NID2: variants seen among roughly 807,000 people sequenced by gnomAD.
The protein encoded by NID2 is nidogen-2.
Under a neutral mutation model 145.4 loss-of-function variants are expected in NID2, and 83 were observed. The observed-to-expected ratio is 0.57, with a 90% confidence interval of 0.48 to 0.69. The LOEUF (loss-of-function observed/expected upper bound fraction) is 0.69, where lower values mean the gene tolerates loss of function less well. Ranked by LOEUF, NID2 falls within the 30% of genes least tolerant of loss-of-function variation. The pLI is 0.00. For missense variants in NID2, 1,807 were observed against 1,765.7 expected, an observed-to-expected ratio of 1.02 and a Z score of -0.42; for synonymous variants, 739 against 701.3, an observed-to-expected ratio of 1.05 and a Z score of -0.85.
chr14:52,060,147 T>C lies in NID2; in HGVS notation c.744A>G (p.Glu248=). 6.2e-7 allele frequency: 1 copy of C among 1,611,764 alleles called. No homozygotes were observed. Among genetic ancestry groups the C allele is most frequent in the Non-Finnish European group, 8.5e-7 (1 of 1,178,320 alleles). Residue 248 remains glutamate (E), a synonymous_variant, in exon 3 of 22, where the codon GAA becomes GAG. Transcript: ENST00000216286. ...EGPYFSLTST[E]QSVKNLYQLS... Reference sequence around the variant, plus strand: ...ACTGATAGAGATTTTTCACAGACTGTTCAGTGCTAGTCAAGCTGAAATATG... The same window carrying C: ...ACTGATAGAGATTTTTCACAGACTGCTCAGTGCTAGTCAAGCTGAAATATG...
intron 5 of NID2, among the ~76,000 whole-genome samples, chr14:52,047,536 A>G (rs1411544349): frequency 1.3e-5 from 2 of 152,124 alleles, no homozygotes; most frequent in African/African-American, 2.4e-5. Context: ...CGAGCAGAAG[A>G]GTAACATGCT....
intron 9 of NID2, among the ~76,000 whole-genome samples, chr14:52,036,340 C>T (rs2645748): frequency 0.54 from 82,092 of 152,018 alleles, 22,527 homozygotes; most frequent in Middle Eastern, 0.59. Flanking sequence ...AGCATGTATC[C>T]GTACTTCATT....
At chr14:52,008,843 G>C (rs1890895348) in intron 18 of NID2, 1 of 152,176 alleles carries the variant, frequency 6.6e-6, no homozygotes, top group Non-Finnish European at 1.5e-5. Context: ...GTACTTGAAG[G>C]GGTACCTGGC....
chr14:52,060,062 C>A, intron 3 of NID2, 62 bp downstream of exon 3: 1 of 1,199,140 alleles, frequency 8.3e-7, no homozygotes, highest in South Asian at 1.4e-5. Flanking sequence ...CACTTGTGTT[C>A]AGGTACTTCC....
Position 52,053,876 on chromosome 14 carries a change from C to A in NID2, c.1132G>T (p.Asp378Tyr), listed in dbSNP as rs1892760614. ...GTSLGEVGGPDLKGQVEPWDE... is the reference protein window; with the variant it reads ...GTSLGEVGGPYLKGQVEPWDE... ...CAGGGCTCAACTTGGCCTTTTAAAT[C>A]TGGGCCCCCTACCTCTCCCAGAGAT... Residue 378 changes from aspartate to tyrosine, a missense_variant, in exon 5 of 22, where the codon GAT becomes TAT. Transcript: ENST00000216286. The A allele has an allele frequency of 1.2e-6, 2 of 1,614,010 alleles. No homozygotes were observed. Among genetic ancestry groups the A allele is most frequent in the Admixed American group, 1.7e-5 (1 of 59,998 alleles).
chr14:52,018,920 G>A (rs956977265), intron 14 of NID2, 141 bp downstream of exon 14: 7 of 624,366 alleles, frequency 1.1e-5, no homozygotes, highest in Admixed American at 8.0e-5. Context: ...ATATTTGTAC[G>A]CACTATTATT....
intron 15 of NID2, 91 bp downstream of exon 15, chr14:52,014,963 C>T (rs1020667289): frequency 1.2e-5 from 13 of 1,044,010 alleles, no homozygotes; most frequent in Middle Eastern, 2.8e-4. Context: ...CCTGGTGACC[C>T]CACATGTCCC....
In NID2 at chr14:52,015,381, C is replaced by G. The variant is rs1381257210; in HGVS notation, c.3029-106G>C. On this transcript the variant is annotated intron_variant, in intron 14 of 21. Coordinates refer to ENST00000216286, the MANE Select transcript of NID2 (RefSeq NM_007361.4). ...CATGCCTGGCCTCCTGGCCTTCCTT[C>G]TCCTACTGTCCAGGTCTCAGCCAAG... 2.8e-6 allele frequency: 3 copies of G among 1,080,490 alleles called. No homozygotes were observed. In the East Asian group the frequency reaches 7.8e-5, roughly 28 times the overall value. 66.9% of individuals were successfully genotyped at this position (1,080,490 alleles called of 1,614,324 possible). A position where few individuals can be genotyped will look rare whatever the true frequency, so the allele number is the denominator to read the frequency against.
At chr14:52,006,324 T>C (rs1890780607) in intron 20 of NID2, 1 of 530,990 alleles carries the variant, frequency 1.9e-6, no homozygotes, top group South Asian at 2.2e-5. Flanking sequence ...AGCAATACCA[T>C]TCGATTTCTG....
At position 52,014,402 on chromosome 14, in the gene NID2, G is replaced by T; in HGVS notation, c.3305C>A (p.Thr1102Asn). ...CAGGAAGGTGCCCACAGATGGAGGG[G>T]TCACATCTGGCCGGGGCGTGGGCCG... is the stretch of plus-strand genomic sequence containing the variant. ...MVRPTPRPDV[T>N]PPSVGTFLLY... Residue 1102 changes from threonine to asparagine, a missense_variant, in exon 16 of 22, where the codon ACC becomes AAC. Physicochemically the swap from Thr to Asn is moderately conservative, Grantham distance 65. Transcript: ENST00000216286. 6.2e-7 allele frequency: 1 copy of T among 1,614,214 alleles called. No individual in the cohort carries two copies.
chr14:52,041,134 G>A (rs897191935), intron 7 of NID2, among the ~76,000 whole-genome samples: 1 of 152,004 alleles, frequency 6.6e-6, no homozygotes, highest in Non-Finnish European at 1.5e-5. Context: ...TTTCTCTAAG[G>A]TTGCTAGACT....
intron 2 of NID2, among the ~76,000 whole-genome samples, chr14:52,063,508 AC>A (rs1893085685): frequency 6.6e-6 from 1 of 152,176 alleles, no homozygotes; most frequent in African/African-American, 2.4e-5. Flanking sequence ...TGCAACATAC[AC>A]CCCTCTAAGA....
chr14:52,034,919 C>T (rs911709258), intron 9 of NID2, among the ~76,000 whole-genome samples: 1 of 152,214 alleles, frequency 6.6e-6, no homozygotes, highest in Non-Finnish European at 1.5e-5. Context: ...TCCCTGACTT[C>T]ACAAGCTCAT....
chr14:52,049,841 C>A (rs567408658), intron 5 of NID2, among the ~76,000 whole-genome samples: 2 of 152,168 alleles, frequency 1.3e-5, no homozygotes, highest in African/African-American at 2.4e-5. Context: ...GGGAGAGGGG[C>A]CCTACCATGG....
chr14:52,051,764 T>C (rs1892686292), intron 5 of NID2, among the ~76,000 whole-genome samples: 1 of 152,222 alleles, frequency 6.6e-6, no homozygotes, highest in African/African-American at 2.4e-5. Context: ...CTAGATTTCT[T>C]CCTCCAAAAT....
Position 52,015,186 on chromosome 14 carries a change from C to G in NID2, c.3118G>C (p.Val1040Leu). ...YGGTPRDDQYVPQCDDLGHFI... is the reference protein window; with the variant it reads ...YGGTPRDDQYLPQCDDLGHFI... ...TGGCCCAGGTCATCGCACTGGGGCA[C>G]GTACTGGTCATCCCGGGGGGTGCCA... Residue 1040 changes from valine (V) to leucine (L), a missense_variant, in exon 15 of 22, where the codon GTG becomes CTG. Physicochemically the swap from Val to Leu is conservative, Grantham distance 32. Transcript: ENST00000216286. 6.2e-7 allele frequency: 1 copy of G among 1,614,100 alleles called. No individual in the cohort carries two copies. Among genetic ancestry groups the G allele is most frequent in the Non-Finnish European group, 8.5e-7 (1 of 1,180,000 alleles).
rs531723112 is a variant in NID2 at position 52,005,314 on chromosome 14, T to C, written c.*172A>G. The C allele has an allele frequency of 2.1e-5, 10 of 470,294 alleles. No homozygotes were observed. The highest frequency in any genetic ancestry group is 7.8e-5 in the Admixed American group (2 of 25,776). The allele number at this position is 470,294 out of a possible 1,614,324, so 29.1% of individuals were successfully genotyped here. A position where few individuals can be genotyped will look rare whatever the true frequency, so the allele number is the denominator to read the frequency against. Reference sequence around the variant, plus strand: ...ATTTTTAAAAATACAGTAGTAAAGATTGAGGTATCAGCTTTTCACAAAAGT... The same window carrying C: ...ATTTTTAAAAATACAGTAGTAAAGACTGAGGTATCAGCTTTTCACAAAAGT... On this transcript the variant is annotated 3_prime_UTR_variant, in exon 22 of 22. Transcript: ENST00000216286.
chr14:52,041,973 T>G, intron 7 of NID2, 132 bp downstream of exon 7: 2 of 1,156,300 alleles, frequency 1.7e-6, no homozygotes, highest in Non-Finnish European at 2.4e-6. Context: ...GCCAGAAAAC[T>G]ACACACATGT....
At position 52,054,081 on chromosome 14, in the gene NID2, C is replaced by A. The variant is rs747167966; in HGVS notation, c.1008G>T (p.Leu336Phe). ...AAACATCAATGCTGCTGTGGCCATT[C>A]AATGCCTCCTCTGGTTCACCCGGAA... Reference protein sequence around the residue: ...EYLPGEPEEALNGHSSIDVSF... With the variant: ...EYLPGEPEEAFNGHSSIDVSF... Residue 336 changes from leucine to phenylalanine, a missense_variant, in exon 4 of 22, where the codon TTG (leucine) becomes TTT (phenylalanine). Physicochemically the swap from Leu to Phe is conservative, Grantham distance 22. Coordinates refer to ENST00000216286, the MANE Select transcript of NID2 (RefSeq NM_007361.4). The A allele has an allele frequency of 1.2e-6, 2 of 1,614,198 alleles. No homozygotes were observed. Among genetic ancestry groups the A allele is most frequent in the Admixed American group, 3.3e-5 (2 of 60,034 alleles).
Sources: allele counts gnomAD v4.1 joint callset (sites outside exome capture counted in the v4.1 genomes callset), GRCh38; gene constraint gnomAD v4.1.1; transcripts MANE v1.5; gene names NCBI Gene and HGNC (gene_info 2026-07-23, HGNC 2026-07-21).